The following LIG1 variants were observed in gnomAD, a reference collection of about 807,000 sequenced individuals.
The protein encoded by LIG1 is DNA ligase 1.
A neutral mutation model predicts 115.7 loss-of-function variants in LIG1; 70 were observed. The ratio of observed to expected loss-of-function variants is 0.60; its 90% confidence interval spans 0.50 to 0.74. The LOEUF (loss-of-function observed/expected upper bound fraction) is 0.74, where lower values mean the gene tolerates loss of function less well. LIG1 is among the 30% of genes least tolerant of loss of function. LIG1 has a pLI of 0.00. For missense variants in LIG1, 1,115 were observed against 1,225.6 expected, an observed-to-expected ratio of 0.91 and a Z score of 1.35; for synonymous variants, 487 against 495.3, an observed-to-expected ratio of 0.98 and a Z score of 0.22.
intron 25 of LIG1, 114 bp from the exon 26 acceptor site, chr19:48,117,895 T>C (rs751777810): frequency 2.8e-4 from 293 of 1,039,438 alleles, no homozygotes; most frequent in Non-Finnish European, 4.0e-4. Flanking sequence ...CCCCTTGAAG[T>C]AAACAGAAAT....
intron 26 of LIG1, 44 bp from the exon 27 acceptor site, chr19:48,116,009 C>A (rs745577016): frequency 4.1e-6 from 6 of 1,466,324 alleles, no homozygotes; most frequent in Admixed American, 1.8e-5. Context: ...GCCCCAGCGA[C>A]CCCCTGCTCA....
Position 48,143,526 on chromosome 19 carries a change from C to T in LIG1, c.914+17G>A. 3.0e-6 allele frequency: 2 copies of T among 665,194 alleles called. No homozygotes were observed. The highest frequency in any genetic ancestry group is 5.2e-6 in the Non-Finnish European group (2 of 381,012). 41.2% of individuals were successfully genotyped at this position (665,194 alleles called of 1,614,324 possible). A position where few individuals can be genotyped will look rare whatever the true frequency, so the allele number is the denominator to read the frequency against. ...GAAGCGACCCCGCCCCCCACCCAGGCAGTCCTCATTAGTTACCGAGCAGAC... is the reference window on the plus strand; with the variant it reads ...GAAGCGACCCCGCCCCCCACCCAGGTAGTCCTCATTAGTTACCGAGCAGAC... On this transcript the variant is annotated intron_variant, in intron 11 of 27. Transcript: ENST00000263274.
At chr19:48,135,880 C>T (rs1266718133) in intron 15 of LIG1, 101 bp from the exon 16 acceptor site, 14 of 1,206,590 alleles carry the variant, frequency 1.2e-5, no homozygotes, top group African/African-American at 4.5e-5. Flanking sequence ...GCAGATGCCG[C>T]GGCCCAAGAC....
rs757743358 is a variant in LIG1, at chr19:48,162,277, G to A, written c.92C>T (p.Thr31Met). Reference sequence around the variant, plus strand: ...TGTGACATACTTTGGAGGGGGCTCCGTCTCTCTGCTGCTATTGGATGCCTC... The same window carrying A: ...TGTGACATACTTTGGAGGGGGCTCCATCTCTCTGCTGCTATTGGATGCCTC... The part of the protein sequence containing the change: ...EKEASNSSRE[T>M]EPPPKAALKE... The change falls in exon 3 of 28, where the codon ACG becomes ATG. Residue 31 changes from threonine (T) to methionine (M), a missense_variant. Transcript: ENST00000263274. The A allele has an allele frequency of 1.1e-5, 17 of 1,613,608 alleles. No homozygotes were observed. The highest frequency in any genetic ancestry group is 6.6e-5 in the South Asian group (6 of 91,078).
At chr19:48,121,081 C>A in intron 24 of LIG1, 89 bp downstream of exon 24, 1 of 1,606,912 alleles carries the variant, frequency 6.2e-7, no homozygotes, top group Non-Finnish European at 8.5e-7. Flanking sequence ...TGTGAGCACC[C>A]CTCGGTCTGG....
chr19:48,149,165 C>T (rs1599835005), intron 9 of LIG1, among the ~76,000 whole-genome samples: 1 of 152,168 alleles, frequency 6.6e-6, no homozygotes, highest in Admixed American at 6.5e-5. Flanking sequence ...CAAAAATTAT[C>T]TGGGTGTGGT....
chr19:48,163,663 G>A (rs2036313339), intron 2 of LIG1, among the ~76,000 whole-genome samples: 1 of 152,070 alleles, frequency 6.6e-6, no homozygotes, highest in African/African-American at 2.4e-5. Context: ...AAATGTTGGG[G>A]CCTGGCATGG....
intron 24 of LIG1, among the ~76,000 whole-genome samples, chr19:48,119,531 T>A (rs1406957116): frequency 8.9e-5 from 5 of 56,484 alleles, no homozygotes; most frequent in Admixed American, 1.5e-4. Flanking sequence ...CTTCCAGTCT[T>A]TTTTTTTTTT....
rs760006838 is a variant in LIG1 at position 48,121,101 on chromosome 19, T to C, written c.2385+69A>G. 8 of 1,612,558 alleles carry C rather than the reference T, an allele frequency of 5.0e-6. No individual in the cohort carries two copies. The Admixed American group carries it at 5.0e-5, about 10-fold the overall frequency. On this transcript the variant is annotated intron_variant, in intron 24 of 27. Transcript: ENST00000263274. ...GCACCCCTCGGTCTGGGTTGTGCAA[T>C]AGGAAATACCCCCGGGAGTCTAATC...
chr19:48,142,761 A>C (rs3730943), intron 11 of LIG1, among the ~76,000 whole-genome samples: 21,537 of 151,986 alleles, frequency 0.14, 2,447 homozygotes, highest in African/African-American at 0.31. Context: ...CTCGTACCTC[A>C]GCCTCCTGAG....
At chr19:48,127,732 G>A in intron 20 of LIG1, 178 bp downstream of exon 20, 1 of 726,398 alleles carries the variant, frequency 1.4e-6, no homozygotes, top group Non-Finnish European at 2.5e-6. Context: ...TCCTACTTGG[G>A]ATGCTGGGAT....
In LIG1 at chr19:48,157,154, G is replaced by T; in HGVS notation, c.244-14C>A. On this transcript the variant is annotated splice_polypyrimidine_tract_variant and intron_variant, in intron 4 of 27. Transcript: ENST00000263274. ...CAGGGCAGGCTTCTGGAAGAGGAAA[G>T]AACAGTTCTAGAGTGAGCGGGGGAA... is the stretch of plus-strand genomic sequence containing the variant. 6.2e-7 allele frequency: 1 copy of T among 1,608,332 alleles called. No homozygotes were observed. Among genetic ancestry groups the T allele is most frequent in the South Asian group, 1.1e-5 (1 of 90,786 alleles).
Position 48,157,007 on chromosome 19 carries a change from T to G in LIG1, c.370+7A>C, listed in dbSNP as rs3730866. ...GACTGAAGGGGCAGGGGCCCGTGTG[T>G]TCTCACCTGTGCGACGCTTCGGAAT... On this transcript the variant is annotated splice_region_variant and intron_variant, in intron 5 of 27. Transcript: ENST00000263274. 6.2e-7 allele frequency: 1 copy of G among 1,602,964 alleles called. No homozygotes were observed. Among genetic ancestry groups the G allele is most frequent in the Non-Finnish European group, 8.5e-7 (1 of 1,173,306 alleles).
chr19:48,143,552 A>T lies in LIG1; in HGVS notation c.905T>A (p.Val302Glu), dbSNP rs964361107. Residue 302 changes from valine (V) to glutamate (E), a missense_variant, in exon 11 of 28, where the codon GTG (valine) becomes GAG (glutamate). Physicochemically the swap from Val to Glu is moderately radical, Grantham distance 121 (BLOSUM62 -2). Coordinates refer to ENST00000263274, the MANE Select transcript of LIG1 (RefSeq NM_000234.3). ...AGTCCTCATTAGTTACCGAGCAGAC[A>T]CCTCCTCGATCTTCTCAAACGTCCG... ...VARTFEKIEE[V>E]SARLRMVETL... 7.2e-6 allele frequency: 10 copies of T among 1,386,408 alleles called. No individual in the cohort carries two copies. Among genetic ancestry groups the T allele is most frequent in the Non-Finnish European group, 8.7e-6 (9 of 1,035,846 alleles). 85.9% of individuals were successfully genotyped at this position (1,386,408 alleles called of 1,614,324 possible).
rs561376142 is a variant in LIG1, at chr19:48,121,206, G to A, written c.2349C>T (p.Tyr783=). 14 of 1,614,044 alleles carry A rather than the reference G, an allele frequency of 8.7e-6. No homozygotes were observed. Among genetic ancestry groups the A allele is most frequent in the Middle Eastern group, 1.6e-4 (1 of 6,062 alleles). The change falls in exon 24 of 28, where the codon TAC becomes TAT. Residue 783 remains tyrosine, a synonymous_variant. Coordinates refer to ENST00000263274, the MANE Select transcript of LIG1 (RefSeq NM_000234.3). ...GRYGGFLLAS[Y]DEDSEELQAI... ...CCTGCAGCTCCTCACTGTCCTCGTCGTAGGAGGCCAGCAGGAAGCCCCCGT... is the reference window on the plus strand; with the variant it reads ...CCTGCAGCTCCTCACTGTCCTCGTCATAGGAGGCCAGCAGGAAGCCCCCGT...
chr19:48,162,137 TG>T, intron 3 of LIG1, 124 bp downstream of exon 3: 1 of 827,434 alleles, frequency 1.2e-6, no homozygotes, highest in Non-Finnish European at 2.1e-6. Context: ...CTTGGACTTC[TG>T]GCCACCTGGC....
chr19:48,126,881 AATAAC>A, intron 21 of LIG1: 1 of 254,934 alleles, frequency 3.9e-6, no homozygotes, highest in Non-Finnish European at 7.9e-6. Flanking sequence ...CCTGGCTCTA[AATAAC>A]ATATTTTGAT....
intron 1 of LIG1, among the ~76,000 whole-genome samples, chr19:48,169,339 G>A (rs2036644229): frequency 6.6e-6 from 1 of 152,134 alleles, no homozygotes; most frequent in Admixed American, 6.6e-5. Context: ...GGTGAAAACT[G>A]AACAAGGTCT....
Position 48,143,568 on chromosome 19 carries a change from C to T in LIG1, c.889G>A (p.Glu297Lys), listed in dbSNP as rs2122727074. Residue 297 changes from glutamate (E) to lysine (K), a missense_variant, in exon 11 of 28, where the codon GAG becomes AAG. Glu to Lys is a moderately conservative substitution (Grantham distance 56). Transcript: ENST00000263274. ...VPYLAVARTF[E>K]KIEEVSARLR... ...CGAGCAGACACCTCCTCGATCTTCT[C>T]AAACGTCCGGGCCACAGCCAGGTAA... is the stretch of plus-strand genomic sequence containing the variant. 1 of 1,548,972 alleles carries T rather than the reference C, an allele frequency of 6.5e-7. No individual in the cohort carries two copies. The highest frequency in any genetic ancestry group is 8.8e-7 in the Non-Finnish European group (1 of 1,140,292).
Sources: gnomAD v4.1 joint callset for allele counts (sites outside exome capture counted in the v4.1 genomes callset) on GRCh38, gnomAD v4.1.1 for gene constraint, MANE v1.5 for transcripts, NCBI Gene and HGNC (gene_info 2026-07-23, HGNC 2026-07-21) for gene names.